The following PPL variants were observed in gnomAD, a reference collection of about 807,000 sequenced individuals.
The protein encoded by PPL is periplakin, also known as 190 kDa paraneoplastic pemphigus antigen.
PPL carries 198 observed loss-of-function variants against 194.4 expected under a neutral mutation model. The ratio of observed to expected loss-of-function variants is 1.02; its 90% CI spans 0.91 to 1.15. The LOEUF (loss-of-function observed/expected upper bound fraction) is 1.15. PPL is among the 50% of genes most tolerant of loss of function. The probability of loss-of-function intolerance (pLI) is 0.00; values close to 1 mark genes in which losing one functional copy is unlikely to be tolerated. For missense variants in PPL, 2,885 were observed against 2,294.8 expected (o/e 1.26, Z -5.25); for synonymous variants, 1,220 against 972.4 (o/e 1.25, Z -4.74).
Position 4,899,235 on chromosome 16 carries a change from C to T in PPL, c.756G>A (p.Arg252=), listed in dbSNP as rs374541946. The T allele has an allele frequency of 1.2e-6, 2 of 1,613,836 alleles. No individual in the cohort carries two copies. Among genetic ancestry groups the T allele is most frequent in the African/African-American group, 1.3e-5 (1 of 74,926 alleles). The part of the protein sequence containing the change: ...SDRNLDYPSR[R]RQYENFINRN... The stretch of plus-strand genomic sequence containing the variant: ...CCCCAGAACCCACCTCATACTGGCG[C>T]CGGCGGCTGGGGTAGTCGAGGTTGC... The change falls in exon 7 of 22, where the codon CGG becomes CGA. Residue 252 remains arginine (R), a synonymous_variant. Transcript: ENST00000345988.
At chr16:4,909,216 C>T (rs1172477847) in intron 2 of PPL, among the ~76,000 whole-genome samples, 2 of 152,156 alleles carry the variant, frequency 1.3e-5, no homozygotes, top group African/African-American at 2.4e-5. Context: ...CCTACACCCC[C>T]GTGGACTGTG....
At chr16:4,932,546 T>C (rs958368988) in intron 1 of PPL, among the ~76,000 whole-genome samples, 41 of 151,898 alleles carry the variant, frequency 2.7e-4, no homozygotes, top group African/African-American at 9.4e-4. Flanking sequence ...AGTATCTGGC[T>C]GGGATTACAG....
intron 16 of PPL, chr16:4,891,535 T>A: frequency 1.4e-5 from 4 of 284,506 alleles, no homozygotes; most frequent in African/African-American, 7.0e-5. Context: ...TGCCCCAGCC[T>A]CCTGAATGGC....
Position 4,895,388 on chromosome 16 carries a change from TC to T in PPL, c.1114del (p.Asp372ThrfsTer45). The T allele has an allele frequency of 6.2e-7, 1 of 1,613,332 alleles. No individual in the cohort carries two copies. The highest frequency in any genetic ancestry group is 8.5e-7 in the Non-Finnish European group (1 of 1,179,924). The part of the protein sequence containing the change: ...RELDDQEKVL[D>X]KYEDVVQGLQ... ...CCCCTGCACCACGTCCTCATACTTGTCCAGCACCTTCTCCTGGTCCTGGAGA... is the reference window on the plus strand; with the variant it reads ...CCCCTGCACCACGTCCTCATACTTGTCAGCACCTTCTCCTGGTCCTGGAGA... On this transcript the variant is annotated frameshift_variant, in exon 11 of 22. Coordinates refer to ENST00000345988, the MANE Select transcript of PPL (RefSeq NM_002705.5). LOFTEE classifies it high-confidence loss of function.
chr16:4,916,036 T>C (rs2088910198), intron 1 of PPL, among the ~76,000 whole-genome samples: 1 of 152,104 alleles, frequency 6.6e-6, no homozygotes. Context: ...ATGGCTATAA[T>C]AAAAAAGACA....
At chr16:4,927,415 G>A (rs2089173463) in intron 1 of PPL, among the ~76,000 whole-genome samples, 1 of 152,182 alleles carries the variant, frequency 6.6e-6, no homozygotes, top group Non-Finnish European at 1.5e-5. Flanking sequence ...GACTTAACTG[G>A]TCTTGGAAAG....
intron 8 of PPL, among the ~76,000 whole-genome samples, chr16:4,898,693 T>TAA (rs2088482026): frequency 6.6e-6 from 1 of 152,182 alleles, no homozygotes; most frequent in African/African-American, 2.4e-5. Flanking sequence ...ATTTCAGACT[T>TAA]ACAGCCCACA....
At position 4,895,691 on chromosome 16, in the gene PPL, T is replaced by A; in HGVS notation, c.998A>T (p.Gln333Leu). The A allele has an allele frequency of 6.2e-7, 1 of 1,613,984 alleles. No homozygotes were observed. Reference sequence around the variant, plus strand: ...CGAGTCCACCTTGCGCAGCAGCTCCTGAGCGTCCTTCACGTCTTCGTGAAA... The same window carrying A: ...CGAGTCCACCTTGCGCAGCAGCTCCAGAGCGTCCTTCACGTCTTCGTGAAA... Reference protein sequence around the residue: ...HQFHEDVKDAQELLRKVDSDL... With the variant: ...HQFHEDVKDALELLRKVDSDL... The change falls in exon 10 of 22, where the codon CAG (glutamine) becomes CTG (leucine). Residue 333 changes from glutamine to leucine, a missense_variant. Physicochemically the swap from Gln to Leu is moderately radical, Grantham distance 113. Coordinates refer to ENST00000345988, the MANE Select transcript of PPL (RefSeq NM_002705.5).
At chr16:4,930,821 C>G (rs368873836) in intron 1 of PPL, among the ~76,000 whole-genome samples, 1 of 152,180 alleles carries the variant, frequency 6.6e-6, no homozygotes, top group African/African-American at 2.4e-5. Flanking sequence ...CCGGGCACAG[C>G]GTGGAAACAA....
chr16:4,897,286 G>C (rs1169214129), intron 9 of PPL, among the ~76,000 whole-genome samples: 1 of 126,884 alleles, frequency 7.9e-6, no homozygotes, highest in Non-Finnish European at 1.6e-5. Flanking sequence ...AGTGAGCCGA[G>C]ATGGCACGAC....
At chr16:4,930,987 G>T (rs556233786) in intron 1 of PPL, among the ~76,000 whole-genome samples, 3 of 152,154 alleles carry the variant, frequency 2.0e-5, no homozygotes, top group Non-Finnish European at 4.4e-5. Context: ...CTGGAGCGCT[G>T]GAGTGGAAGA....
intron 1 of PPL, among the ~76,000 whole-genome samples, chr16:4,916,568 C>A (rs538105328): frequency 6.6e-6 from 1 of 152,184 alleles, no homozygotes; most frequent in East Asian, 1.9e-4. Flanking sequence ...TGCAGTGGTG[C>A]AATCTTAGCT....
At chr16:4,886,298 G>C (rs944611558) in intron 21 of PPL, among the ~76,000 whole-genome samples, 2 of 152,172 alleles carry the variant, frequency 1.3e-5, no homozygotes. Context: ...CCCACCTCTG[G>C]TCCCCGTCCT....
chr16:4,918,416 C>G lies in PPL; in HGVS notation c.63-7467G>C, dbSNP rs78881890. 8.9e-3 allele frequency among the ~76,000 whole-genome samples: 1,363 copies of G among 152,296 alleles called. 20 individuals are homozygous for G. Among genetic ancestry groups the G allele is most frequent in the African/African-American group, 0.032 (1,324 of 41,554 alleles). On this transcript the variant is annotated intron_variant, in intron 1 of 21. Transcript: ENST00000345988. ...TGGCCAGCTGCAGGTAATCCCCCAG[C>G]AGCCTGGAAGATGCTAGTTAACTCC...
chr16:4,916,604 C>T (rs2088921344), intron 1 of PPL, among the ~76,000 whole-genome samples: 1 of 152,060 alleles, frequency 6.6e-6, no homozygotes, highest in South Asian at 2.1e-4. Context: ...CTCCCAGTCT[C>T]AAGCAATCTT....
intron 1 of PPL, among the ~76,000 whole-genome samples, chr16:4,914,069 C>T (rs944286039): frequency 1.3e-5 from 2 of 152,128 alleles, no homozygotes; most frequent in Non-Finnish European, 1.5e-5. Flanking sequence ...GAGGTGGTGT[C>T]GGCTGGGTGC....
rs149871672 is a variant in PPL, at chr16:4,885,132, G to T, written c.3523C>A (p.Arg1175=). Reference sequence around the variant, plus strand: ...TTGGGGTCTGGCCGCACGATCTCCCGCACCTTCTCCTGCACCACCACTTTG... The same window carrying T: ...TTGGGGTCTGGCCGCACGATCTCCCTCACCTTCTCCTGCACCACCACTTTG... ...NAKVVVQEKV[R]EIVRPDPKAE... Residue 1175 remains arginine, a synonymous_variant, in exon 22 of 22, where the codon CGG becomes AGG. Transcript: ENST00000345988. This position sits in a 1 kb window ranked among gnomAD's most constrained non-coding sequence, Gnocchi z 6.3. 3.1e-6 allele frequency: 5 copies of T among 1,613,896 alleles called. No individual in the cohort carries two copies. In the South Asian group the frequency reaches 4.4e-5, roughly 14 times the overall value.
intron 16 of PPL, 99 bp downstream of exon 16, chr16:4,891,710 CTG>C (rs1428767285): frequency 3.5e-6 from 5 of 1,436,692 alleles, no homozygotes; most frequent in Admixed American, 4.8e-5. Context: ...CCTGGGGAGA[CTG>C]GATGCTGGTG....
rs2088627628 is a variant in PPL, at chr16:4,903,896, T to C, written c.307A>G (p.Ile103Val). The C allele has an allele frequency of 1.2e-6, 2 of 1,614,012 alleles. No homozygotes were observed. The highest frequency in any genetic ancestry group is 8.5e-7 in the Non-Finnish European group (1 of 1,180,024). ...GCAGAAGGGACCTACTCCTCGGCGA[T>C]CATGTCCCCCTGTGGGTGCTTCATG... ...KHMKHPQGDMIAEDIRQLKER... is the reference protein window; with the variant it reads ...KHMKHPQGDMVAEDIRQLKER... The change falls in exon 3 of 22, where the codon ATC (isoleucine) becomes GTC (valine). Residue 103 changes from isoleucine to valine, a missense_variant. By Grantham distance (29) the Ile-to-Val change is conservative. Coordinates refer to ENST00000345988, the MANE Select transcript of PPL (RefSeq NM_002705.5).
Sources: allele counts gnomAD v4.1 joint callset (sites outside exome capture counted in the v4.1 genomes callset), GRCh38; gene constraint gnomAD v4.1.1; non-coding constraint Gnocchi (gnomAD v3.1); transcripts MANE v1.5; gene names NCBI Gene and HGNC (gene_info 2026-07-23, HGNC 2026-07-21).